SNRNP48: variants seen among roughly 807,000 people sequenced by gnomAD.
SNRNP48 encodes the protein U11/U12 small nuclear ribonucleoprotein 48 kDa protein.
Under a neutral mutation model 47.0 loss-of-function variants are expected in SNRNP48, and 43 were observed. The observed-to-expected ratio is 0.92, with a 90% confidence interval of 0.72 to 1.18. The LOEUF (loss-of-function observed/expected upper bound fraction) is 1.18, where lower values mean the gene tolerates loss of function less well. Among genes scored for constraint, SNRNP48 ranks in the 50% most tolerant of loss-of-function variants. SNRNP48 has a pLI of 0.00. For synonymous variants in SNRNP48, 138 were observed against 144.0 expected (o/e 0.96, Z 0.30); for missense variants, 396 against 422.2 (o/e 0.94, Z 0.54).
rs528886359 is a variant in SNRNP48 at position 7,591,389 on chromosome 6, T to G, written c.156+976T>G. ...TGAGAGGAAGGGAAGTGCTCCAATG[T>G]GGGGTAATTCATTATCTTTACTATT... On this transcript the variant is annotated intron_variant, in intron 1 of 8. Transcript: ENST00000342415. Among the ~76,000 whole-genome samples, 61 of 152,294 alleles carry G rather than the reference T, an allele frequency of 4.0e-4. 2 individuals carry two copies. In the East Asian group the frequency reaches 8.9e-3, roughly 22 times the overall value.
intron 8 of SNRNP48, among the ~76,000 whole-genome samples, chr6:7,608,012 A>G (rs903727967): frequency 1.3e-5 from 2 of 152,194 alleles, no homozygotes; most frequent in Non-Finnish European, 2.9e-5. Context: ...TGACATCTCT[A>G]ATCAATCCCT....
At chr6:7,593,952 G>T in intron 2 of SNRNP48, 105 bp downstream of exon 2, 1 of 1,015,588 alleles carries the variant, frequency 9.8e-7, no homozygotes, top group East Asian at 2.7e-5. Flanking sequence ...CAAAATAATA[G>T]CCCTTACTTG....
rs748537346 is a variant in SNRNP48 at position 7,590,274 on chromosome 6, C to A, written c.17C>A (p.Pro6Gln). The A allele has an allele frequency of 7.4e-7, 1 of 1,358,886 alleles. No homozygotes were observed. The allele number at this position is 1,358,886 out of a possible 1,614,324, so 84.2% of individuals were successfully genotyped here. A position where few individuals can be genotyped will look rare whatever the true frequency, so the allele number is the denominator to read the frequency against. MEGEPPPVEERRRLQE... is the reference protein window; with the variant it reads MEGEPQPVEERRRLQE... ...GCTGCAGCTATGGAGGGCGAGCCTCCACCTGTGGAGGAGCGGCGGCGGCTG... is the reference window on the plus strand; with the variant it reads ...GCTGCAGCTATGGAGGGCGAGCCTCAACCTGTGGAGGAGCGGCGGCGGCTG... The change falls in exon 1 of 9, where the codon CCA becomes CAA. Residue 6 changes from proline (P) to glutamine (Q), a missense_variant. Coordinates refer to ENST00000342415, the MANE Select transcript of SNRNP48 (RefSeq NM_152551.4).
At chr6:7,598,714 A>G (rs1759956449) in intron 4 of SNRNP48, among the ~76,000 whole-genome samples, 3 of 152,176 alleles carry the variant, frequency 2.0e-5, no homozygotes, top group Admixed American at 2.0e-4. Flanking sequence ...TGTTTGTTAC[A>G]CACTACAATG....
intron 5 of SNRNP48, 94 bp from the exon 6 acceptor site, chr6:7,602,529 A>C (rs1581838322): frequency 1.0e-6 from 1 of 994,264 alleles, no homozygotes; most frequent in East Asian, 2.9e-5. Flanking sequence ...CTTTGAAACA[A>C]GTTAAAATAT....
chr6:7,591,604 A>G (rs989983057), intron 1 of SNRNP48, among the ~76,000 whole-genome samples: 4 of 152,198 alleles, frequency 2.6e-5, no homozygotes, highest in African/African-American at 9.7e-5. Flanking sequence ...AATTCCACTG[A>G]GTGGGGCTTA....
chr6:7,598,908 A>G (rs975478267), intron 4 of SNRNP48, among the ~76,000 whole-genome samples: 2 of 152,204 alleles, frequency 1.3e-5, no homozygotes, highest in Non-Finnish European at 2.9e-5. Context: ...TCAATCATAA[A>G]CAATCATTTT....
chr6:7,601,958 A>G (rs912308934), intron 5 of SNRNP48, among the ~76,000 whole-genome samples: 1 of 152,020 alleles, frequency 6.6e-6, no homozygotes, highest in African/African-American at 2.4e-5. Context: ...AGCTGAAGCA[A>G]TTCTCGTGCC....
rs7450372 is a variant in SNRNP48 at position 7,608,907 on chromosome 6, C to T, written c.*34C>T. On this transcript the variant is annotated 3_prime_UTR_variant, in exon 9 of 9. Transcript: ENST00000342415. ...CTTGTACCTATATTAATTATGCTTA[C>T]GCCATGATAACCAATATACAGATAT... 13,436 of 1,244,364 alleles carry T rather than the reference C, an allele frequency of 0.011. 1,186 individuals carry two copies. In the African/African-American group the frequency reaches 0.19, roughly 17 times the overall value. 77.1% of individuals were successfully genotyped at this position (1,244,364 alleles called of 1,614,324 possible). A position where few individuals can be genotyped will look rare whatever the true frequency, so the allele number is the denominator to read the frequency against.
rs1236380899 is a variant in SNRNP48 at position 7,601,542 on chromosome 6, T to G, written c.595+18T>G. On this transcript the variant is annotated intron_variant, in intron 5 of 8. Coordinates refer to ENST00000342415, the MANE Select transcript of SNRNP48 (RefSeq NM_152551.4). ...CAATCAAGGTTTGAGATGCACATCA[T>G]GGCTTTACATTTCTTCATTATCATT... is the stretch of plus-strand genomic sequence containing the variant. 6.5e-7 allele frequency: 1 copy of G among 1,537,144 alleles called. No individual in the cohort carries two copies. Among genetic ancestry groups the G allele is most frequent in the African/African-American group, 1.4e-5 (1 of 71,002 alleles).
chr6:7,606,011 C>A lies in SNRNP48; in HGVS notation c.807-20C>A. On this transcript the variant is annotated intron_variant, in intron 7 of 8. Transcript: ENST00000342415. ...ACCAGTGGTAACACAAACTGATTAA[C>A]ATTCTTTTCTGTGTTTTAGGAATGA... The A allele has an allele frequency of 6.3e-7, 1 of 1,585,142 alleles. No homozygotes were observed. The highest frequency in any genetic ancestry group is 8.5e-7 in the Non-Finnish European group (1 of 1,170,580).
At chr6:7,596,716 G>A (rs1303017222) in intron 4 of SNRNP48, among the ~76,000 whole-genome samples, 1 of 152,170 alleles carries the variant, frequency 6.6e-6, no homozygotes, top group Non-Finnish European at 1.5e-5. Flanking sequence ...TTCTTTGAGG[G>A]AGACAGTTGA....
rs1015713668 is a variant in SNRNP48, at chr6:7,595,068, G to A, written c.373G>A (p.Ala125Thr). 15 of 1,598,128 alleles carry A rather than the reference G, an allele frequency of 9.4e-6. No homozygotes were observed. Among genetic ancestry groups the A allele is most frequent in the Non-Finnish European group, 1.3e-5 (15 of 1,174,690 alleles). The change falls in exon 4 of 9, where the codon GCA becomes ACA. Residue 125 changes from alanine (A) to threonine (T), a missense_variant. Transcript: ENST00000342415. ...CCAGATAATTAAACAAGCTAGAACT[G>A]CAGTTGGGAAAGACAGTGATTGTTA... ...QFQIIKQART[A>T]VGKDSDCYNQ...
chr6:7,590,706 G>A (rs1408366216), intron 1 of SNRNP48, among the ~76,000 whole-genome samples: 3 of 152,250 alleles, frequency 2.0e-5, no homozygotes, highest in Admixed American at 6.5e-5. Context: ...GGCCGGGCGC[G>A]GTGGCGCACG....
intron 7 of SNRNP48, among the ~76,000 whole-genome samples, chr6:7,605,709 T>C (rs964265306): frequency 1.2e-4 from 18 of 152,206 alleles, no homozygotes; most frequent in African/African-American, 4.3e-4. Context: ...TAGTGAAATA[T>C]TCAAATAGCA....
chr6:7,599,798 G>A, intron 4 of SNRNP48: 1 of 1,246,692 alleles, frequency 8.0e-7, no homozygotes, highest in Non-Finnish European at 1.0e-6. Context: ...CTTAATACCT[G>A]TCACATATTA....
Position 7,590,278 on chromosome 6 carries a change from T to C in SNRNP48, c.21T>C (p.Pro7=). 7.3e-7 allele frequency: 1 copy of C among 1,365,426 alleles called. No individual in the cohort carries two copies. Among genetic ancestry groups the C allele is most frequent in the South Asian group, 2.0e-5 (1 of 49,054 alleles). 84.6% of individuals were successfully genotyped at this position (1,365,426 alleles called of 1,614,324 possible). The change falls in exon 1 of 9, where the codon CCT becomes CCC. Residue 7 remains proline, a synonymous_variant. Coordinates refer to ENST00000342415, the MANE Select transcript of SNRNP48 (RefSeq NM_152551.4). ...CAGCTATGGAGGGCGAGCCTCCACC[T>C]GTGGAGGAGCGGCGGCGGCTGCAGG... MEGEPP[P]VEERRRLQEE... is the part of the protein sequence containing the mutation.
rs1456497319 is a variant in SNRNP48, at chr6:7,594,141, A to C, written c.313A>C (p.Ile105Leu). 2.8e-6 allele frequency: 4 copies of C among 1,408,578 alleles called. No individual in the cohort carries two copies. Among genetic ancestry groups the C allele is most frequent in the African/African-American group, 1.5e-5 (1 of 68,736 alleles). The allele number at this position is 1,408,578 out of a possible 1,614,324, so 87.3% of individuals were successfully genotyped here. A position where few individuals can be genotyped will look rare whatever the true frequency, so the allele number is the denominator to read the frequency against. Residue 105 changes from isoleucine (I) to leucine (L), a missense_variant, in exon 3 of 9, where the codon ATA becomes CTA. Coordinates refer to ENST00000342415, the MANE Select transcript of SNRNP48 (RefSeq NM_152551.4). Reference protein sequence around the residue: ...NPEFFYENVKIPSITLNKDSQ... With the variant: ...NPEFFYENVKLPSITLNKDSQ... ...TGAGTTTTTCTATGAAAATGTGAAG[A>C]TACCTTCGATTACTTTGAGTAAGTA...
chr6:7,601,461 G>T lies in SNRNP48; in HGVS notation c.532G>T (p.Asp178Tyr). 6.2e-7 allele frequency: 1 copy of T among 1,601,516 alleles called. No homozygotes were observed. Among genetic ancestry groups the T allele is most frequent in the Admixed American group, 1.8e-5 (1 of 55,496 alleles). ...TGAGGAGACAAAGAAAAAGCGCTCT[G>T]ATTCTCAAATTATTGAAAATGACAG... ...VVEETKKKRSDSQIIENDSDL... is the reference protein window; with the variant it reads ...VVEETKKKRSYSQIIENDSDL... Residue 178 changes from aspartate to tyrosine, a missense_variant, in exon 5 of 9, where the codon GAT becomes TAT. By Grantham distance (160) the Asp-to-Tyr change is radical (BLOSUM62 -3). Transcript: ENST00000342415.
Sources: allele counts gnomAD v4.1 joint callset (sites outside exome capture counted in the v4.1 genomes callset), GRCh38; gene constraint gnomAD v4.1.1; transcripts MANE v1.5; gene names NCBI Gene and HGNC (gene_info 2026-07-23, HGNC 2026-07-21).